The following BRIP1 variants were observed in gnomAD, a reference collection of about 807,000 sequenced individuals.
BRIP1 encodes Fanconi anemia group J protein.
Under a neutral mutation model 119.7 loss-of-function variants are expected in BRIP1, and 88 were observed. The ratio of observed to expected loss-of-function variants is 0.74; its 90% CI spans 0.62 to 0.88. The LOEUF (loss-of-function observed/expected upper bound fraction) is 0.88, where lower values mean the gene tolerates loss of function less well. Among genes scored for constraint, BRIP1 ranks in the 40% least tolerant of loss-of-function variants. The pLI, the probability that BRIP1 is intolerant of heterozygous loss-of-function variation, is 0.00. For missense variants in BRIP1, 1,259 were observed against 1,455.4 expected, an observed-to-expected ratio of 0.87 and a Z score of 2.20; for synonymous variants, 443 against 496.5, an observed-to-expected ratio of 0.89 and a Z score of 1.43.
rs2077420624 is a variant in BRIP1, at chr17:61,769,731, A to T, written c.2097+6670T>A. Among the ~76,000 whole-genome samples, 1 of 152,200 alleles carries T rather than the reference A, an allele frequency of 6.6e-6. No homozygotes were observed. Among genetic ancestry groups the T allele is most frequent in the African/African-American group, 2.4e-5 (1 of 41,452 alleles). ...TCTGAGAACTGAGGTCACAAGGCAAACTGCCACCCTGAAATCTGGAGAGAC... is the reference window on the plus strand; with the variant it reads ...TCTGAGAACTGAGGTCACAAGGCAATCTGCCACCCTGAAATCTGGAGAGAC... On this transcript the variant is annotated intron_variant, in intron 14 of 19. Coordinates refer to ENST00000259008, the MANE Select transcript of BRIP1 (RefSeq NM_032043.3). The surrounding 1 kb of genome is among the most constrained non-coding windows in gnomAD (Gnocchi z 4.9).
rs938214122 is a variant in BRIP1, at chr17:61,852,048, G to T, written c.380-2792C>A. Among the ~76,000 whole-genome samples the T allele has an allele frequency of 2.0e-5, 3 of 152,162 alleles. No individual in the cohort carries two copies. Among genetic ancestry groups the T allele is most frequent in the African/African-American group, 7.2e-5 (3 of 41,450 alleles). On this transcript the variant is annotated intron_variant, in intron 4 of 19. Transcript: ENST00000259008. The surrounding 1 kb of genome is among the most constrained non-coding windows in gnomAD (Gnocchi z 4.9). ...TTATCCCACTCAAAATGTTAATAGTGCCACTGTGGAGAAACTCTGTCCCAA... is the reference window on the plus strand; with the variant it reads ...TTATCCCACTCAAAATGTTAATAGTTCCACTGTGGAGAAACTCTGTCCCAA...
intron 16 of BRIP1, among the ~76,000 whole-genome samples, chr17:61,721,825 G>A (rs1054988930): frequency 1.4e-4 from 21 of 148,376 alleles, no homozygotes; most frequent in Admixed American, 1.2e-3. Flanking sequence ...AGCCTCCCAC[G>A]TAGCTGGGAT....
chr17:61,723,515 G>C (rs1034814495), intron 16 of BRIP1, among the ~76,000 whole-genome samples: 2 of 152,142 alleles, frequency 1.3e-5, no homozygotes, highest in Non-Finnish European at 2.9e-5. Flanking sequence ...TATACCTGTT[G>C]ACCAATGCTT....
intron 17 of BRIP1, among the ~76,000 whole-genome samples, chr17:61,694,130 A>G (rs73328522): frequency 6.1e-4 from 93 of 152,270 alleles, no homozygotes; most frequent in African/African-American, 2.1e-3. Context: ...TAAAGTGCAC[A>G]ATGCAATGGT....
intron 6 of BRIP1, among the ~76,000 whole-genome samples, chr17:61,811,352 T>A (rs983823055): frequency 6.6e-6 from 1 of 151,866 alleles, no homozygotes; most frequent in East Asian, 2.0e-4. Context: ...GCCTCCCAAG[T>A]AGCTGCGATT....
chr17:61,790,656 T>C (rs1347507102), intron 10 of BRIP1, among the ~76,000 whole-genome samples: 1 of 152,182 alleles, frequency 6.6e-6, no homozygotes, highest in East Asian at 1.9e-4. Flanking sequence ...TTTCTTTTTT[T>C]TTAAACAGGG....
At chr17:61,839,748 T>C (rs2078630021) in intron 6 of BRIP1, among the ~76,000 whole-genome samples, 1 of 152,170 alleles carries the variant, frequency 6.6e-6, no homozygotes, top group African/African-American at 2.4e-5. Context: ...CACCCACTTA[T>C]GAAAAATTAT....
Position 61,700,339 on chromosome 17 carries a change from T to C in BRIP1, c.2493-6827A>G, listed in dbSNP as rs868140723. On this transcript the variant is annotated intron_variant, in intron 17 of 19. Transcript: ENST00000259008. This position sits in a 1 kb window ranked among gnomAD's most constrained non-coding sequence, Gnocchi z 4.1. ...GACTTACTTCCTAATATCCTTTCAT[T>C]TCAGCCTGAAAGACTCCTTTTAGTA... 6.6e-6 allele frequency among the ~76,000 whole-genome samples: 1 copy of C among 152,212 alleles called. No homozygotes were observed. Among genetic ancestry groups the C allele is most frequent in the African/African-American group, 2.4e-5 (1 of 41,462 alleles).
intron 10 of BRIP1, among the ~76,000 whole-genome samples, chr17:61,787,498 T>C (rs1291655993): frequency 6.9e-6 from 1 of 144,580 alleles, no homozygotes; most frequent in Non-Finnish European, 1.5e-5. Context: ...TTTAAAAAGG[T>C]AAATTTTAAG....
intron 17 of BRIP1, among the ~76,000 whole-genome samples, chr17:61,715,225 ATTATT>A (rs912140119): frequency 1.3e-5 from 2 of 151,098 alleles, no homozygotes; most frequent in African/African-American, 2.4e-5. Context: ...ATAATAATTA[ATTATT>A]TTATTTTTTC....
chr17:61,857,168 C>T lies in BRIP1; in HGVS notation c.269G>A (p.Cys90Tyr), dbSNP rs1221074399. ...AEVQLSCCCA[C>Y]HSKDFTNNDM... The stretch of plus-strand genomic sequence containing the variant: ...ATTGTTTGTAAAATCCTTTGAATGG[C>T]ATGCACAACAACATGACAATTGTAC... Residue 90 changes from cysteine to tyrosine, a missense_variant, in exon 4 of 20, where the codon TGC becomes TAC. Transcript: ENST00000259008. This position sits in a 1 kb window ranked among gnomAD's most constrained non-coding sequence, Gnocchi z 5.1. 1.2e-6 allele frequency: 2 copies of T among 1,613,810 alleles called. No homozygotes were observed. Among genetic ancestry groups the T allele is most frequent in the African/African-American group, 2.7e-5 (2 of 74,934 alleles).
Position 61,726,204 on chromosome 17 carries a change from G to A in BRIP1, c.2380-10141C>T, listed in dbSNP as rs1251661714. On this transcript the variant is annotated intron_variant, in intron 16 of 19. Transcript: ENST00000259008. This position sits in a 1 kb window ranked among gnomAD's most constrained non-coding sequence, Gnocchi z 6.2. ...TCAATTTCTTCGTCTGTAAGAAGGGGCTTAGAATTAGAAGTCTCTTAGCTT... is the reference window on the plus strand; with the variant it reads ...TCAATTTCTTCGTCTGTAAGAAGGGACTTAGAATTAGAAGTCTCTTAGCTT... Among the ~76,000 whole-genome samples the A allele has an allele frequency of 1.3e-5, 2 of 152,136 alleles. No individual in the cohort carries two copies. Among genetic ancestry groups the A allele is most frequent in the East Asian group, 3.9e-4 (2 of 5,188 alleles).
chr17:61,728,560 G>C (rs990778416), intron 16 of BRIP1, among the ~76,000 whole-genome samples: 3 of 152,202 alleles, frequency 2.0e-5, no homozygotes, highest in African/African-American at 7.2e-5. Context: ...AAGCCAGTTT[G>C]ACCTGCAGGA....
In BRIP1 at chr17:61,815,441, T is replaced by C. The variant is rs1041993576; in HGVS notation, c.628-6684A>G. On this transcript the variant is annotated intron_variant, in intron 6 of 19. Coordinates refer to ENST00000259008, the MANE Select transcript of BRIP1 (RefSeq NM_032043.3). This position sits in a 1 kb window ranked among gnomAD's most constrained non-coding sequence, Gnocchi z 4.1. Reference sequence around the variant, plus strand: ...AAATCAAATGGAAACAACATTTTCTTTATAACCAAATTAGCCAGACATAGT... The same window carrying C: ...AAATCAAATGGAAACAACATTTTCTCTATAACCAAATTAGCCAGACATAGT... Among the ~76,000 whole-genome samples the C allele has an allele frequency of 6.6e-6, 1 of 152,174 alleles. No individual in the cohort carries two copies. The highest frequency in any genetic ancestry group is 1.9e-4 in the East Asian group (1 of 5,198).
intron 16 of BRIP1, among the ~76,000 whole-genome samples, chr17:61,737,610 T>G (rs962611804): frequency 7.2e-5 from 11 of 152,196 alleles, no homozygotes; most frequent in Admixed American, 6.5e-4. Context: ...TTCAAATACT[T>G]GTTTAACCAT....
Position 61,776,183 on chromosome 17 carries a change from T to C in BRIP1, c.2097+218A>G. 1.8e-6 allele frequency: 1 copy of C among 547,968 alleles called. No homozygotes were observed. Among genetic ancestry groups the C allele is most frequent in the Non-Finnish European group, 3.2e-6 (1 of 314,514 alleles). 33.9% of individuals were successfully genotyped at this position (547,968 alleles called of 1,614,324 possible). A position where few individuals can be genotyped will look rare whatever the true frequency, so the allele number is the denominator to read the frequency against. On this transcript the variant is annotated intron_variant, in intron 14 of 19. Coordinates refer to ENST00000259008, the MANE Select transcript of BRIP1 (RefSeq NM_032043.3). The surrounding 1 kb of genome is among the most constrained non-coding windows in gnomAD (Gnocchi z 5.0). Reference sequence around the variant, plus strand: ...AAGCATGAGCCACCACGTCCAGCCTTGCTCTTTCAGACTTTTAAGTAAAAC... The same window carrying C: ...AAGCATGAGCCACCACGTCCAGCCTCGCTCTTTCAGACTTTTAAGTAAAAC...
chr17:61,728,799 A>G (rs1364726860), intron 16 of BRIP1, among the ~76,000 whole-genome samples: 1 of 152,202 alleles, frequency 6.6e-6, no homozygotes, highest in Non-Finnish European at 1.5e-5. Flanking sequence ...TGACCGAAGT[A>G]GAAGATCAGG....
rs1357555332 is a variant in BRIP1 at position 61,753,518 on chromosome 17, A to G, written c.2098-8927T>C. On this transcript the variant is annotated intron_variant, in intron 14 of 19. Transcript: ENST00000259008. The surrounding 1 kb of genome is among the most constrained non-coding windows in gnomAD (Gnocchi z 4.6). ...AAAGCATGACAAAAGATAAAACTAA[A>G]AAAGAATGTATAGAGATGAGATTGC... Among the ~76,000 whole-genome samples, 1 of 152,184 alleles carries G rather than the reference A, an allele frequency of 6.6e-6. No homozygotes were observed. Among genetic ancestry groups the G allele is most frequent in the African/African-American group, 2.4e-5 (1 of 41,444 alleles).
In BRIP1 at chr17:61,832,333, TAAATA is replaced by T. The variant is rs540464056; in HGVS notation, c.627+14763_627+14767del. ...GGAAAATCACAAGTCCATAAAGATATAAATAAAATGAGTAAACTGAATTTTTGTAA... is the reference window on the plus strand; with the variant it reads ...GGAAAATCACAAGTCCATAAAGATATAAATGAGTAAACTGAATTTTTGTAA... On this transcript the variant is annotated intron_variant, in intron 6 of 19. Transcript: ENST00000259008. The surrounding 1 kb of genome is among the most constrained non-coding windows in gnomAD (Gnocchi z 5.5). 2.6e-5 allele frequency among the ~76,000 whole-genome samples: 4 copies of T among 152,330 alleles called. No homozygotes were observed. Among genetic ancestry groups the T allele is most frequent in the African/African-American group, 9.6e-5 (4 of 41,580 alleles).
Sources: gnomAD v4.1 joint callset for allele counts (sites outside exome capture counted in the v4.1 genomes callset) on GRCh38, gnomAD v4.1.1 for gene constraint, Gnocchi (gnomAD v3.1) non-coding constraint, MANE v1.5 for transcripts, NCBI Gene and HGNC (gene_info 2026-07-23, HGNC 2026-07-21) for gene names.